The following BRD3 variants were observed in gnomAD, a reference collection of about 807,000 sequenced individuals.
BRD3 encodes the protein bromodomain-containing protein 3.
In BRD3, 17 loss-of-function variants were observed where a neutral mutation model predicts 66.8. The ratio of observed to expected loss-of-function variants is 0.25; its 90% CI spans 0.17 to 0.38. The LOEUF (loss-of-function observed/expected upper bound fraction) is 0.38, where lower values mean the gene tolerates loss of function less well. Ranked by LOEUF, BRD3 falls within the 10% of genes least tolerant of loss-of-function variation. The pLI, the probability that BRD3 is intolerant of heterozygous loss-of-function variation, is 1.00. For synonymous variants in BRD3, 421 were observed against 393.2 expected (o/e 1.07, Z -0.84); for missense variants, 713 against 956.1 (o/e 0.75, Z 3.35).
At position 134,045,505 on chromosome 9, in the gene BRD3, G is replaced by A. The variant is rs1400093931; in HGVS notation, c.1087-84C>T. The A allele has an allele frequency of 1.8e-5, 28 of 1,577,338 alleles. 1 individual carries two copies. The Admixed American group carries it at 4.8e-4, about 27-fold the overall frequency. ...CACACCCCACGAGATGAACTCTGGA[G>A]CCTCAGGAGCCACTGCCAGCTCCAG... On this transcript the variant is annotated intron_variant, in intron 6 of 11. Transcript: ENST00000303407. The surrounding 1 kb of genome is among the most constrained non-coding windows in gnomAD (Gnocchi z 4.8).
At chr9:134,067,130 G>T (rs1458653465) in intron 1 of BRD3, among the ~76,000 whole-genome samples, 1 of 152,226 alleles carries the variant, frequency 6.6e-6, no homozygotes, top group Non-Finnish European at 1.5e-5. Context: ...TTGTCACTCC[G>T]GCGCCCCCCA....
chr9:134,048,570 C>T (rs1202086907), intron 5 of BRD3, 116 bp from the exon 6 acceptor site: 3 of 1,472,012 alleles, frequency 2.0e-6, no homozygotes, highest in Admixed American at 1.8e-5. Context: ...TAAGCGGCCA[C>T]ATGCACGGCC....
intron 7 of BRD3, among the ~76,000 whole-genome samples, chr9:134,044,746 G>A (rs988695427): frequency 2.0e-5 from 3 of 152,178 alleles, no homozygotes; most frequent in African/African-American, 4.8e-5. Context: ...GTTTGTGCAT[G>A]TTCACAAAGT....
At chr9:134,036,904 G>A (rs1168373492) in intron 9 of BRD3, among the ~76,000 whole-genome samples, 15 of 152,064 alleles carry the variant, frequency 9.9e-5, no homozygotes, top group African/African-American at 1.7e-4. Context: ...CCAGCTATGC[G>A]GGAGGCTGAG....
rs1032880907 is a variant in BRD3, at chr9:134,033,047, G to A, written c.*543C>T. ...CGGGCTGGGGCTGCGATGACCCTTCGCTTAGGCCCAGCCTGGTCTCCACAA... is the reference window on the plus strand; with the variant it reads ...CGGGCTGGGGCTGCGATGACCCTTCACTTAGGCCCAGCCTGGTCTCCACAA... On this transcript the variant is annotated 3_prime_UTR_variant, in exon 12 of 12. Coordinates refer to ENST00000303407, the MANE Select transcript of BRD3 (RefSeq NM_007371.4). The surrounding 1 kb of genome is among the most constrained non-coding windows in gnomAD (Gnocchi z 5.1). The A allele has an allele frequency of 5.3e-5, 21 of 398,080 alleles. No individual in the cohort carries two copies. Among genetic ancestry groups the A allele is most frequent in the East Asian group, 4.3e-4 (12 of 28,064 alleles). 24.7% of individuals were successfully genotyped at this position (398,080 alleles called of 1,614,324 possible).
chr9:134,058,274 G>A (rs1180394444), intron 1 of BRD3: 1 of 152,312 alleles, frequency 6.6e-6, no homozygotes, highest in African/African-American at 2.4e-5. Flanking sequence ...CCCTTGGCTG[G>A]GGAGAAAAGG....
chr9:134,040,040 G>A lies in BRD3; in HGVS notation c.1637C>T (p.Ala546Val), dbSNP rs1222202262. 2.5e-6 allele frequency: 4 copies of A among 1,589,058 alleles called. No individual in the cohort carries two copies. The South Asian group carries it at 3.4e-5, about 14-fold the overall frequency. The part of the protein sequence containing the change: ...PAKKANSTTT[A>V]GRQLKKGGKQ... ...GAGCAGGTCTGGAGCCCACCTGCCG[G>A]CCGTGGTCGTGCTGTTGGCCTTCTT... Residue 546 changes from alanine (A) to valine (V), a missense_variant, in exon 9 of 12, where the codon GCC becomes GTC. Physicochemically the swap from Ala to Val is moderately conservative, Grantham distance 64. Around this residue, in one of 5 missense-constraint regions of BRD3, gnomAD observed 418 missense variants for 609.3 expected, o/e 0.69. Coordinates refer to ENST00000303407, the MANE Select transcript of BRD3 (RefSeq NM_007371.4).
In BRD3 at chr9:134,051,873, G is replaced by A. The variant is rs1246181077; in HGVS notation, c.352-164C>T. ...TGTGTGTGTGTGTGTGTGTGTGTGT[G>A]TGTGTTGTTTTTTTTGTTTTTTTTT... On this transcript the variant is annotated intron_variant, in intron 3 of 11. Coordinates refer to ENST00000303407, the MANE Select transcript of BRD3 (RefSeq NM_007371.4). 2.3e-4 allele frequency among the ~76,000 whole-genome samples: 24 copies of A among 106,484 alleles called. 1 individual carries two copies. Among genetic ancestry groups the A allele is most frequent in the South Asian group, 1.4e-3 (4 of 2,790 alleles). The allele number at this position is 106,484 out of a possible 152,430, so 69.9% of individuals were successfully genotyped here.
intron 1 of BRD3, among the ~76,000 whole-genome samples, chr9:134,055,317 G>T (rs922928945): frequency 6.6e-6 from 1 of 152,172 alleles, no homozygotes; most frequent in Non-Finnish European, 1.5e-5. Flanking sequence ...GAGTGAAAGC[G>T]AGTCCTGCCC....
At chr9:134,047,879 C>G (rs955036543) in intron 6 of BRD3, 1 of 624,308 alleles carries the variant, frequency 1.6e-6, no homozygotes, top group Non-Finnish European at 2.6e-6. Flanking sequence ...GCCACAGACT[C>G]CGGGACCCAC....
At position 134,048,084 on chromosome 9, in the gene BRD3, T is replaced by G. The variant is rs1490883863; in HGVS notation, c.1085A>C (p.Lys362Thr). ...IKHPMDLSTVKRKMDGREYPD... is the reference protein window; with the variant it reads ...IKHPMDLSTVTRKMDGREYPD... ...AGGGCCTGCCGCGCGGCCACGTACT[T>G]TCACGGTGCTGAGGTCCATCGGGTG... The change falls in exon 6 of 12, where the codon AAA becomes ACA. Residue 362 changes from lysine to threonine, a missense_variant and splice_region_variant. Physicochemically the swap from Lys to Thr is moderately conservative, Grantham distance 78. Around this residue, in one of 5 missense-constraint regions of BRD3, gnomAD observed 418 missense variants for 609.3 expected, o/e 0.69. Transcript: ENST00000303407. The G allele has an allele frequency of 6.4e-7, 1 of 1,562,432 alleles. No individual in the cohort carries two copies. Among genetic ancestry groups the G allele is most frequent in the Non-Finnish European group, 8.7e-7 (1 of 1,152,242 alleles).
intron 1 of BRD3, among the ~76,000 whole-genome samples, chr9:134,054,967 T>C (rs12346699): frequency 0.053 from 8,013 of 152,192 alleles, 617 homozygotes; most frequent in African/African-American, 0.17. Context: ...GCCCCGTCTC[T>C]GGGGCGCCCA....
rs532109328 is a variant in BRD3 at position 134,030,752 on chromosome 9, G to C, written c.*2838C>G. The stretch of plus-strand genomic sequence containing the variant: ...AACACACAAAAAAATGTGTCTTACA[G>C]TTTGTAAGCAAGATGACACTGCCCA... On this transcript the variant is annotated 3_prime_UTR_variant, in exon 12 of 12. Coordinates refer to ENST00000303407, the MANE Select transcript of BRD3 (RefSeq NM_007371.4). 1.3e-5 allele frequency: 3 copies of C among 232,000 alleles called. No homozygotes were observed. Among genetic ancestry groups the C allele is most frequent in the Admixed American group, 5.6e-5 (1 of 17,774 alleles). 14.4% of individuals were successfully genotyped at this position (232,000 alleles called of 1,614,324 possible).
intron 1 of BRD3, among the ~76,000 whole-genome samples, chr9:134,066,640 T>C (rs764931790): frequency 3.3e-5 from 5 of 152,060 alleles, no homozygotes; most frequent in Non-Finnish European, 7.4e-5. Flanking sequence ...AAGAAAACTC[T>C]TTTCCTCTTC....
chr9:134,036,914 G>C (rs1412474644), intron 9 of BRD3, among the ~76,000 whole-genome samples: 1 of 152,126 alleles, frequency 6.6e-6, no homozygotes, highest in Non-Finnish European at 1.5e-5. Context: ...GGGAGGCTGA[G>C]GCAGGAGAAT....
chr9:134,034,005 G>C (rs914560375), intron 11 of BRD3, among the ~76,000 whole-genome samples: 2 of 152,196 alleles, frequency 1.3e-5, no homozygotes, highest in African/African-American at 2.4e-5. Flanking sequence ...AACACCAGCT[G>C]CTGGCGTTTC....
chr9:134,050,245 CAGAG>C, intron 5 of BRD3, 125 bp downstream of exon 5: 1 of 813,254 alleles, frequency 1.2e-6, no homozygotes, highest in Admixed American at 2.5e-5. Flanking sequence ...TCCCAGGGCG[CAGAG>C]AGAAACACTC....
intron 1 of BRD3, among the ~76,000 whole-genome samples, chr9:134,064,659 G>A (rs1177343898): frequency 6.6e-6 from 1 of 151,878 alleles, no homozygotes; most frequent in African/African-American, 2.4e-5. Flanking sequence ...CCAAGAGTTT[G>A]AGACCAGCCT....
Position 134,053,254 on chromosome 9 carries a change from C to T in BRD3, c.213+11G>A, listed in dbSNP as rs1015009492. 2 of 1,612,904 alleles carry T rather than the reference C, an allele frequency of 1.2e-6. No individual in the cohort carries two copies. The highest frequency in any genetic ancestry group is 1.3e-5 in the African/African-American group (1 of 74,932). On this transcript the variant is annotated intron_variant, in intron 2 of 11. Coordinates refer to ENST00000303407, the MANE Select transcript of BRD3 (RefSeq NM_007371.4). ...CAGAACGTGGCTCTTGGGGAGGCAG[C>T]AGCTACGCACCGGCAGGTTCAATTT...
Sources: gnomAD v4.1 joint callset for allele counts (sites outside exome capture counted in the v4.1 genomes callset) on GRCh38, gnomAD v4.1.1 for gene constraint, gnomAD v4.1.1 regional missense constraint, Gnocchi (gnomAD v3.1) non-coding constraint, MANE v1.5 for transcripts, NCBI Gene and HGNC (gene_info 2026-07-23, HGNC 2026-07-21) for gene names.